The following SLC8B1 variants were observed in gnomAD, a reference collection of about 807,000 sequenced individuals.
SLC8B1 encodes solute carrier family 8 member B1, also known as mitochondrial sodium/calcium exchanger protein.
SLC8B1 carries 52 observed loss-of-function variants against 63.4 expected under a neutral mutation model. That is an observed-to-expected ratio of 0.82 (90% CI 0.66 to 1.03). The LOEUF is 1.03. Ranked by LOEUF, SLC8B1 falls within the 50% of genes least tolerant of loss-of-function variation. SLC8B1 has a pLI of 0.00. For missense variants in SLC8B1, 657 were observed against 741.7 expected (o/e 0.89, Z 1.33); for synonymous variants, 336 against 323.9 (o/e 1.04, Z -0.40).
chr12:113,301,139 A>C (rs1334010458), intron 15 of SLC8B1, among the ~76,000 whole-genome samples: 1 of 152,168 alleles, frequency 6.6e-6, no homozygotes, highest in Non-Finnish European at 1.5e-5. Flanking sequence ...CCATCTCAAA[A>C]AACAAAAGAA....
chr12:113,311,975 G>A (rs10507238), intron 11 of SLC8B1, among the ~76,000 whole-genome samples: 22,457 of 151,936 alleles, frequency 0.15, 2,346 homozygotes, highest in African/African-American at 0.29. Flanking sequence ...CTGTGCTAGA[G>A]AAATTTTAGG....
At chr12:113,307,004 G>A (rs1403358433) in intron 13 of SLC8B1, among the ~76,000 whole-genome samples, 1 of 150,364 alleles carries the variant, frequency 6.7e-6, no homozygotes, top group Non-Finnish European at 1.5e-5. Context: ...CCAGCTACTC[G>A]GGAGGCTGAG....
chr12:113,318,966 G>C lies in SLC8B1; in HGVS notation c.800C>G (p.Pro267Arg). The C allele has an allele frequency of 6.2e-7, 1 of 1,613,450 alleles. No individual in the cohort carries two copies. Among genetic ancestry groups the C allele is most frequent in the Non-Finnish European group, 8.5e-7 (1 of 1,179,426 alleles). ...TGGGGTCCGATGCAGACTCTTACCTGGAGTAACTGGCATGGGGCAGAACAG... is the reference window on the plus strand; with the variant it reads ...TGGGGTCCGATGCAGACTCTTACCTCGAGTAACTGGCATGGGGCAGAACAG... ...GSLFCPMPVTPEILSDSEEDR... is the reference protein window; with the variant it reads ...GSLFCPMPVTREILSDSEEDR... The change falls in exon 8 of 16, where the codon CCA becomes CGA. Residue 267 changes from proline to arginine, a missense_variant and splice_region_variant. Physicochemically the swap from Pro to Arg is moderately radical, Grantham distance 103 (BLOSUM62 -2). Coordinates refer to ENST00000680972, the MANE Select transcript of SLC8B1 (RefSeq NM_001358345.2).
chr12:113,331,997 C>T (rs1047902134), intron 2 of SLC8B1, among the ~76,000 whole-genome samples: 4 of 152,146 alleles, frequency 2.6e-5, no homozygotes, highest in Non-Finnish European at 5.9e-5. Context: ...CCATTCTAGC[C>T]TCCCTGCTGT....
Position 113,313,412 on chromosome 12 carries a change from C to G in SLC8B1, c.1135+1923G>C, listed in dbSNP as rs1317385454. On this transcript the variant is annotated intron_variant, in intron 11 of 15. Coordinates refer to ENST00000680972, the MANE Select transcript of SLC8B1 (RefSeq NM_001358345.2). ...TCAATGGAGCCCAGAAGTTCAGGAC[C>G]AGCCTGGACAATACAACGAGCTGAT... 2.6e-5 allele frequency among the ~76,000 whole-genome samples: 4 copies of G among 151,642 alleles called. No individual in the cohort carries two copies. The East Asian group carries it at 5.8e-4, about 22-fold the overall frequency.
In SLC8B1 at chr12:113,321,085, A is replaced by G. The variant is rs1250383809; in HGVS notation, c.333T>C (p.Phe111=). 6.2e-7 allele frequency: 1 copy of G among 1,613,946 alleles called. No homozygotes were observed. Among genetic ancestry groups the G allele is most frequent in the Admixed American group, 1.7e-5 (1 of 59,970 alleles). ...TLYVSWLLYL[F]LILGVTAAKF... is the part of the protein sequence containing the mutation. ...TGGCTGCGGTGACTCCCAGAATCAG[A>G]AACAGGTAGAGCAGCCAGGAAACCT... is the stretch of plus-strand genomic sequence containing the variant. Residue 111 remains phenylalanine, a synonymous_variant, in exon 4 of 16, where the codon TTT becomes TTC. Transcript: ENST00000680972.
At chr12:113,314,407 G>A (rs923178734) in intron 11 of SLC8B1, among the ~76,000 whole-genome samples, 12 of 152,354 alleles carry the variant, frequency 7.9e-5, no homozygotes, top group African/African-American at 2.4e-4. Flanking sequence ...CTGGGCTGAG[G>A]GGGAGGAGCC....
chr12:113,310,722 C>T (rs1028343969), intron 11 of SLC8B1, among the ~76,000 whole-genome samples: 2 of 152,158 alleles, frequency 1.3e-5, no homozygotes, highest in Non-Finnish European at 2.9e-5. Flanking sequence ...TAGATGGCAT[C>T]GCTCCATGAG....
chr12:113,323,351 G>A (rs1420974543), intron 2 of SLC8B1, among the ~76,000 whole-genome samples: 4 of 152,168 alleles, frequency 2.6e-5, no homozygotes, highest in Non-Finnish European at 4.4e-5. Context: ...ATTCTCATAA[G>A]CCTGCACCCA....
At position 113,306,565 on chromosome 12, in the gene SLC8B1, C is replaced by T. The variant is rs1437121245; in HGVS notation, c.1422G>A (p.Ser474=). ...AGCCCTGGCGAGCCAGTGTGAAATCCGAGAAGGCATCTGCACAGGAACAAG... is the reference window on the plus strand; with the variant it reads ...AGCCCTGGCGAGCCAGTGTGAAATCTGAGAAGGCATCTGCACAGGAACAAG... ...AWGNSIGDAF[S]DFTLARQGYP... Residue 474 remains serine, a synonymous_variant, in exon 14 of 16, where the codon TCG becomes TCA. Transcript: ENST00000680972. The T allele has an allele frequency of 2.5e-6, 4 of 1,613,900 alleles. No individual in the cohort carries two copies. Among genetic ancestry groups the T allele is most frequent in the East Asian group, 2.2e-5 (1 of 44,904 alleles).
intron 11 of SLC8B1, 30 bp from the exon 12 acceptor site, chr12:113,310,385 C>T: frequency 1.2e-6 from 2 of 1,604,256 alleles, no homozygotes; most frequent in Non-Finnish European, 1.7e-6. Flanking sequence ...GAGCTGATAC[C>T]TTCCCAGCAC....
chr12:113,304,447 G>A (rs377020338), intron 14 of SLC8B1, 62 bp from the exon 15 acceptor site: 16 of 1,470,930 alleles, frequency 1.1e-5, no homozygotes, highest in African/African-American at 1.4e-5. Context: ...CACATAGCCC[G>A]TTCCTCCTAC....
chr12:113,326,187 GT>G (rs1224860674), intron 2 of SLC8B1, among the ~76,000 whole-genome samples: 2 of 152,038 alleles, frequency 1.3e-5, no homozygotes, highest in Non-Finnish European at 2.9e-5. Context: ...TAAAACTCAA[GT>G]TTCCATTTCC....
Position 113,310,246 on chromosome 12 carries a change from G to A in SLC8B1, c.1245C>T (p.Pro415=), listed in dbSNP as rs903133371. The change falls in exon 12 of 16, where the codon CCC becomes CCT. Residue 415 remains proline (P), a synonymous_variant. Coordinates refer to ENST00000680972, the MANE Select transcript of SLC8B1 (RefSeq NM_001358345.2). ...CCGGGCTTCTTACCCAGTGAAGCCT[G>A]GGGGGCTGGCTGTCAGATGTGGCAA... ...TFFATSDSQP[P]RLHWLFAFLG... is the part of the protein sequence containing the mutation. The A allele has an allele frequency of 6.2e-7, 1 of 1,613,524 alleles. No individual in the cohort carries two copies. Among genetic ancestry groups the A allele is most frequent in the South Asian group, 1.1e-5 (1 of 91,050 alleles).
rs1198944647 is a variant in SLC8B1 at position 113,307,124 on chromosome 12, A to C, written c.1412-549T>G. Among the ~76,000 whole-genome samples, 11 of 137,396 alleles carry C rather than the reference A, an allele frequency of 8.0e-5. No individual in the cohort carries two copies. The East Asian group carries it at 2.4e-3, about 30-fold the overall frequency. 90.1% of individuals were successfully genotyped at this position (137,396 alleles called of 152,430 possible). On this transcript the variant is annotated intron_variant, in intron 13 of 15. Coordinates refer to ENST00000680972, the MANE Select transcript of SLC8B1 (RefSeq NM_001358345.2). Reference sequence around the variant, plus strand: ...AGCCTCCATCTCAAAAAAAAAAAAAAAAAAAAAAAAAAAAAAAAAAAAAAA... The same window carrying C: ...AGCCTCCATCTCAAAAAAAAAAAAACAAAAAAAAAAAAAAAAAAAAAAAAA...
intron 15 of SLC8B1, among the ~76,000 whole-genome samples, chr12:113,303,368 C>G (rs1034410991): frequency 6.6e-6 from 1 of 152,180 alleles, no homozygotes; most frequent in Non-Finnish European, 1.5e-5. Context: ...ACCCTGCCCC[C>G]GGCTAACAGG....
intron 2 of SLC8B1, among the ~76,000 whole-genome samples, chr12:113,331,047 G>A (rs16942757): frequency 0.11 from 17,238 of 151,946 alleles, 1,073 homozygotes; most frequent in African/African-American, 0.17. Flanking sequence ...CTCCAGCGTC[G>A]TCATTGGTCC....
chr12:113,300,581 C>T (rs189673395), intron 15 of SLC8B1, among the ~76,000 whole-genome samples: 3 of 152,356 alleles, frequency 2.0e-5, no homozygotes, highest in Admixed American at 1.3e-4. Flanking sequence ...GACTGGCCTG[C>T]AGCAGCCCGG....
At position 113,307,691 on chromosome 12, in the gene SLC8B1, C is replaced by T. The variant is rs761380752; in HGVS notation, c.1411G>A (p.Asp471Asn). Residue 471 changes from aspartate (D) to asparagine (N), a missense_variant and splice_region_variant, in exon 13 of 16, where the codon GAT (aspartate) becomes AAT (asparagine). Coordinates refer to ENST00000680972, the MANE Select transcript of SLC8B1 (RefSeq NM_001358345.2). ...TLLAWGNSIGDAFSDFTLARQ... is the reference protein window; with the variant it reads ...TLLAWGNSIGNAFSDFTLARQ... ...TCAACCCCACCCAGCCCTGAGTCAC[C>T]TCCAATGCTGTTCCCCCAGGCCAGC... 2 of 1,613,394 alleles carry T rather than the reference C, an allele frequency of 1.2e-6. No homozygotes were observed. The highest frequency in any genetic ancestry group is 2.2e-5 in the South Asian group (2 of 90,988).
Sources: gnomAD v4.1 joint callset for allele counts (sites outside exome capture counted in the v4.1 genomes callset) on GRCh38, gnomAD v4.1.1 for gene constraint, MANE v1.5 for transcripts, NCBI Gene and HGNC (gene_info 2026-07-23, HGNC 2026-07-21) for gene names.